The following CSNK2A2 variants were observed in gnomAD, a reference collection of about 807,000 sequenced individuals.
CSNK2A2 encodes the protein casein kinase II subunit alpha'.
In CSNK2A2, 8 loss-of-function variants were observed where a neutral mutation model predicts 54.0. That is an observed-to-expected ratio of 0.15 (90% confidence interval 0.09 to 0.27). The LOEUF (loss-of-function observed/expected upper bound fraction) is 0.27. CSNK2A2 is among the 10% of genes least tolerant of loss of function. The probability of loss-of-function intolerance (pLI) is 1.00; values close to 1 mark genes in which losing one functional copy is unlikely to be tolerated. For synonymous variants in CSNK2A2, 141 were observed against 153.9 expected, an observed-to-expected ratio of 0.92 and a Z score of 0.62; for missense variants, 242 against 439.4, an observed-to-expected ratio of 0.55 and a Z score of 4.02.
intron 4 of CSNK2A2, among the ~76,000 whole-genome samples, chr16:58,177,277 C>G: frequency 6.6e-6 from 1 of 152,238 alleles, no homozygotes; most frequent in East Asian, 1.9e-4. Context: ...AGAAACGTCA[C>G]AAGAACTACA....
chr16:58,186,791 A>G lies in CSNK2A2; in HGVS notation c.282T>C (p.Asn94=). ...TTACAGTGTCAATCAGCTTAATGAT[A>G]TTTGTTCCACCACGAAGGTTCTCCA... is the stretch of plus-strand genomic sequence containing the variant. ...KILENLRGGT[N]IIKLIDTVKD... is the part of the protein sequence containing the mutation. The change falls in exon 3 of 12, where the codon AAT becomes AAC. Residue 94 remains asparagine (N), a synonymous_variant. Transcript: ENST00000262506. 5.0e-6 allele frequency: 8 copies of G among 1,614,100 alleles called. No individual in the cohort carries two copies. Among genetic ancestry groups the G allele is most frequent in the South Asian group, 1.1e-5 (1 of 91,072 alleles).
At position 58,186,867 on chromosome 16, in the gene CSNK2A2, C is replaced by G; in HGVS notation, c.217-11G>C. 6.3e-7 allele frequency: 1 copy of G among 1,596,416 alleles called. No homozygotes were observed. The highest frequency in any genetic ancestry group is 8.6e-7 in the Non-Finnish European group (1 of 1,165,618). ...CTTTTTCTTCACTGGCTTAAATACA[C>G]AAGAGTAATCAGAAGTGAGACTCCT... On this transcript the variant is annotated splice_polypyrimidine_tract_variant and intron_variant, in intron 2 of 11. Coordinates refer to ENST00000262506, the MANE Select transcript of CSNK2A2 (RefSeq NM_001896.4).
chr16:58,179,064 T>C (rs1961955555), intron 4 of CSNK2A2, among the ~76,000 whole-genome samples: 1 of 152,190 alleles, frequency 6.6e-6, no homozygotes, highest in African/African-American at 2.4e-5. Context: ...TGTATAAATA[T>C]TAAATTTCTT....
chr16:58,190,159 A>G (rs942999971), intron 2 of CSNK2A2, among the ~76,000 whole-genome samples: 1 of 152,204 alleles, frequency 6.6e-6, no homozygotes, highest in Admixed American at 6.5e-5. Context: ...ATTTATTCCA[A>G]TTCAGAGACT....
intron 4 of CSNK2A2, among the ~76,000 whole-genome samples, chr16:58,180,840 C>A (rs1962018327): frequency 6.6e-6 from 1 of 152,058 alleles, no homozygotes; most frequent in Non-Finnish European, 1.5e-5. Flanking sequence ...TATTAATATA[C>A]TTTACACTAA....
chr16:58,163,869 A>G, intron 11 of CSNK2A2, 185 bp downstream of exon 11: 1 of 490,642 alleles, frequency 2.0e-6, no homozygotes, highest in East Asian at 3.4e-5. Flanking sequence ...ATGCTGCCAC[A>G]GTGACAGCTC....
rs79607966 is a variant in CSNK2A2, at chr16:58,186,462, G to C, written c.318+293C>G. ...AGTAATGAACTTTCAAAACTGGAAA[G>C]AGGCTGGGGCTTAAAGGAGACATTC... is the stretch of plus-strand genomic sequence containing the variant. On this transcript the variant is annotated intron_variant, in intron 3 of 11. Transcript: ENST00000262506. 3.6e-3 allele frequency among the ~76,000 whole-genome samples: 549 copies of C among 152,318 alleles called. 2 individuals carry two copies. Among genetic ancestry groups the C allele is most frequent in the African/African-American group, 0.013 (522 of 41,562 alleles).
chr16:58,176,446 C>A (rs887505529), intron 4 of CSNK2A2, among the ~76,000 whole-genome samples: 1 of 152,176 alleles, frequency 6.6e-6, no homozygotes, highest in Non-Finnish European at 1.5e-5. Context: ...ATTACAAAGT[C>A]CCAAGTGACT....
chr16:58,188,014 A>G (rs1962234653), intron 2 of CSNK2A2, among the ~76,000 whole-genome samples: 1 of 151,378 alleles, frequency 6.6e-6, no homozygotes, highest in African/African-American at 2.4e-5. Context: ...TAATAAAGCA[A>G]GACTTTTTTT....
chr16:58,170,191 T>C (rs1387900548), intron 5 of CSNK2A2, among the ~76,000 whole-genome samples: 1 of 150,906 alleles, frequency 6.6e-6, no homozygotes, highest in Non-Finnish European at 1.5e-5. Flanking sequence ...TTTTAGAACA[T>C]CTCCATCACT....
intron 11 of CSNK2A2, chr16:58,161,917 TCTGCAC>T (rs1242625000): frequency 6.6e-6 from 1 of 152,174 alleles, no homozygotes; most frequent in Non-Finnish European, 1.5e-5. Context: ...GCAGGCGGTG[TCTGCAC>T]CTACATCACC....
intron 2 of CSNK2A2, among the ~76,000 whole-genome samples, chr16:58,195,773 T>C (rs1359709289): frequency 6.6e-6 from 1 of 152,236 alleles, no homozygotes; most frequent in African/African-American, 2.4e-5. Context: ...TAACGTCATA[T>C]CATTATCAAA....
At chr16:58,178,726 G>C (rs979798214) in intron 4 of CSNK2A2, among the ~76,000 whole-genome samples, 3 of 152,118 alleles carry the variant, frequency 2.0e-5, no homozygotes, top group African/African-American at 7.2e-5. Flanking sequence ...CATAAAAACT[G>C]CTGATTTTAA....
chr16:58,180,066 G>C (rs2731750), intron 4 of CSNK2A2, among the ~76,000 whole-genome samples: 1 of 141,286 alleles, frequency 7.1e-6, no homozygotes, highest in East Asian at 2.1e-4. Flanking sequence ...GCAACAGAGC[G>C]AGACTCCTTC....
At chr16:58,163,131 C>T (rs1961436914) in intron 11 of CSNK2A2, 1 of 151,614 alleles carries the variant, frequency 6.6e-6, no homozygotes, top group Non-Finnish European at 1.5e-5. Flanking sequence ...TGCCTGAAGA[C>T]TGACTTTCCA....
intron 4 of CSNK2A2, among the ~76,000 whole-genome samples, chr16:58,182,645 C>A (rs1269236121): frequency 3.3e-5 from 5 of 151,920 alleles, no homozygotes; most frequent in Non-Finnish European, 7.4e-5. Flanking sequence ...TTAACGAAGC[C>A]CAGGCATTTA....
intron 5 of CSNK2A2, among the ~76,000 whole-genome samples, chr16:58,170,143 C>T (rs1961695918): frequency 6.6e-6 from 1 of 150,736 alleles, no homozygotes. Flanking sequence ...TGGTTTTTCA[C>T]AAATTTAAAA....
intron 11 of CSNK2A2, chr16:58,161,516 T>TAGACACAC (rs1235869570): frequency 7.6e-6 from 1 of 131,156 alleles, no homozygotes. Flanking sequence ...GTCTAAATAT[T>TAGACACAC]AGACACACAG....
chr16:58,189,189 C>T (rs1007750168), intron 2 of CSNK2A2, among the ~76,000 whole-genome samples: 5 of 152,154 alleles, frequency 3.3e-5, no homozygotes, highest in Non-Finnish European at 7.3e-5. Flanking sequence ...GTCCTGACCT[C>T]AGGTGATCCG....
Sources: allele counts gnomAD v4.1 joint callset (sites outside exome capture counted in the v4.1 genomes callset), GRCh38; gene constraint gnomAD v4.1.1; transcripts MANE v1.5; gene names NCBI Gene and HGNC (gene_info 2026-07-23, HGNC 2026-07-21).